The following RAB11FIP5 variants were observed in gnomAD, a reference collection of about 807,000 sequenced individuals.
RAB11FIP5 encodes the protein RAB11 family interacting protein 5, also known as rab11 family-interacting protein 5.
Under a neutral mutation model 85.1 loss-of-function variants are expected in RAB11FIP5, and 48 were observed. The observed-to-expected ratio is 0.56, with a 90% CI of 0.45 to 0.72. The LOEUF (loss-of-function observed/expected upper bound fraction) is 0.72. Ranked by LOEUF, RAB11FIP5 falls within the 30% of genes least tolerant of loss-of-function variation. RAB11FIP5 has a pLI of 0.00. For missense variants in RAB11FIP5, 1,491 were observed against 1,687.0 expected, an observed-to-expected ratio of 0.88 and a Z score of 2.04; for synonymous variants, 729 against 727.3, an observed-to-expected ratio of 1.00 and a Z score of -0.04.
At chr2:73,094,847 C>T (rs1054035418) in intron 1 of RAB11FIP5, among the ~76,000 whole-genome samples, 1 of 152,038 alleles carries the variant, frequency 6.6e-6, no homozygotes, top group Admixed American at 6.5e-5. Flanking sequence ...GGTAAGTTAC[C>T]AAAGGAACAC....
chr2:73,107,400 C>T (rs146618459), intron 1 of RAB11FIP5, among the ~76,000 whole-genome samples: 18 of 152,286 alleles, frequency 1.2e-4, no homozygotes, highest in Non-Finnish European at 1.8e-4. Context: ...GCGGGCAGCT[C>T]CCAGCAGAGA....
rs1683785029 is a variant in RAB11FIP5 at position 73,073,641 on chromosome 2, G to C, written c.*1880C>G. On this transcript the variant is annotated 3_prime_UTR_variant, in exon 6 of 6. Coordinates refer to ENST00000486777, the MANE Select transcript of RAB11FIP5 (RefSeq NM_001371272.1). Reference sequence around the variant, plus strand: ...CCACAAAGGTCAGGGCCAGGGCTGGGAGTGAATAAAGCCCAGAGGAATCCC... The same window carrying C: ...CCACAAAGGTCAGGGCCAGGGCTGGCAGTGAATAAAGCCCAGAGGAATCCC... 1 of 152,238 alleles carries C rather than the reference G, an allele frequency of 6.6e-6. No individual in the cohort carries two copies. Among genetic ancestry groups the C allele is most frequent in the Admixed American group, 6.5e-5 (1 of 15,286 alleles). The allele number at this position is 152,238 out of a possible 1,614,324, so 9.4% of individuals were successfully genotyped here. A position where few individuals can be genotyped will look rare whatever the true frequency, so the allele number is the denominator to read the frequency against.
chr2:73,108,915 A>G (rs567612633), intron 1 of RAB11FIP5, among the ~76,000 whole-genome samples: 1 of 152,256 alleles, frequency 6.6e-6, no homozygotes, highest in East Asian at 1.9e-4. Flanking sequence ...GTGGTGGCAC[A>G]TGCCTGTAAT....
At chr2:73,106,811 C>A (rs1684536846) in intron 1 of RAB11FIP5, among the ~76,000 whole-genome samples, 1 of 152,214 alleles carries the variant, frequency 6.6e-6, no homozygotes, top group Non-Finnish European at 1.5e-5. Flanking sequence ...GAGCTCTCTT[C>A]CAGCTCCCAT....
rs1187702313 is a variant in RAB11FIP5 at position 73,075,376 on chromosome 2, A to T, written c.*145T>A. 1.2e-6 allele frequency: 1 copy of T among 855,876 alleles called. No homozygotes were observed. Among genetic ancestry groups the T allele is most frequent in the Non-Finnish European group, 2.0e-6 (1 of 508,832 alleles). 53.0% of individuals were successfully genotyped at this position (855,876 alleles called of 1,614,324 possible). A position where few individuals can be genotyped will look rare whatever the true frequency, so the allele number is the denominator to read the frequency against. On this transcript the variant is annotated 3_prime_UTR_variant, in exon 6 of 6. Coordinates refer to ENST00000486777, the MANE Select transcript of RAB11FIP5 (RefSeq NM_001371272.1). This position sits in a 1 kb window ranked among gnomAD's most constrained non-coding sequence, Gnocchi z 4.6. ...GGAATCCAGAGGGCCCCCTTCCAGC[A>T]GCCCCAGTTGAGGCAGGAGGGAGAG...
intron 1 of RAB11FIP5, among the ~76,000 whole-genome samples, chr2:73,110,485 C>CA (rs375613614): frequency 2.0e-5 from 3 of 151,954 alleles, no homozygotes; most frequent in African/African-American, 7.3e-5. Flanking sequence ...CTGTTCCCCC[C>CA]CCGGTTCTAT....
rs1366328370 is a variant in RAB11FIP5, at chr2:73,082,857, T to C, written c.1569-1194A>G. Among the ~76,000 whole-genome samples the C allele has an allele frequency of 3.3e-5, 5 of 152,182 alleles. No individual in the cohort carries two copies. The South Asian group carries it at 1.0e-3, about 31-fold the overall frequency. On this transcript the variant is annotated intron_variant, in intron 3 of 5. Coordinates refer to ENST00000486777, the MANE Select transcript of RAB11FIP5 (RefSeq NM_001371272.1). ...GTGCTCTCAAACTAGAGCTTCTCAC[T>C]TCCCTAGGACCCAGACAGAAGGCCA... is the stretch of plus-strand genomic sequence containing the variant.
Position 73,080,150 on chromosome 2 carries a change from G to A in RAB11FIP5, c.3082C>T (p.Pro1028Ser). The change falls in exon 4 of 6, where the codon CCT becomes TCT. Residue 1028 changes from proline to serine, a missense_variant. Transcript: ENST00000486777. ...IWGTPEVGEGPEAPEAQGQDP... is the reference protein window; with the variant it reads ...IWGTPEVGEGSEAPEAQGQDP... The stretch of plus-strand genomic sequence containing the variant: ...TGGCCCTGGGCCTCAGGAGCCTCAG[G>A]GCCTTCTCCAACCTCTGGAGTCCCC... 3.2e-6 allele frequency: 4 copies of A among 1,232,122 alleles called. No individual in the cohort carries two copies. Among genetic ancestry groups the A allele is most frequent in the South Asian group, 8.2e-5 (2 of 24,314 alleles). 76.3% of individuals were successfully genotyped at this position (1,232,122 alleles called of 1,614,324 possible). A position where few individuals can be genotyped will look rare whatever the true frequency, so the allele number is the denominator to read the frequency against.
In RAB11FIP5 at chr2:73,112,597, C is replaced by A. The variant is rs1457728467; in HGVS notation, c.181G>T (p.Glu61Ter). 1.3e-6 allele frequency: 2 copies of A among 1,599,924 alleles called. No individual in the cohort carries two copies. Among genetic ancestry groups the A allele is most frequent in the Non-Finnish European group, 1.7e-6 (2 of 1,174,802 alleles). ...CACTCGGGGCAGCCGTGCGTCTTCT[C>A]CACCACCGACGTACTGTACTTCTCG... is the stretch of plus-strand genomic sequence containing the variant. ...GREKYSTSVV[E>*]KTHGCPEWRE... The change falls in exon 1 of 6, where the codon GAG (glutamate) becomes TAG (stop). Residue 61 changes from glutamate to a stop codon, truncating the protein, a stop_gained. Transcript: ENST00000486777. LOFTEE classifies it high-confidence loss of function.
chr2:73,087,114 G>A (rs1316932501), intron 3 of RAB11FIP5, among the ~76,000 whole-genome samples: 1 of 152,222 alleles, frequency 6.6e-6, no homozygotes, highest in Admixed American at 6.5e-5. Context: ...CATGGAGCGG[G>A]AAGGGCAGGC....
At position 73,089,198 on chromosome 2, in the gene RAB11FIP5, C is replaced by T. The variant is rs1345135278; in HGVS notation, c.549G>A (p.Lys183=). The T allele has an allele frequency of 1.9e-6, 3 of 1,614,210 alleles. No homozygotes were observed. The highest frequency in any genetic ancestry group is 2.5e-6 in the Non-Finnish European group (3 of 1,180,028). The change falls in exon 2 of 6, where the codon AAG becomes AAA. Residue 183 remains lysine (K), a synonymous_variant. Transcript: ENST00000486777. The surrounding 1 kb of genome is among the most constrained non-coding windows in gnomAD (Gnocchi z 4.6). ...LSASMFDLSM[K]DKPRSPFSKI... ...TGCTGAAGGGAGACCTTGGCTTGTC[C>T]TTCATGGACAGGTCAAACATACTGG...
In RAB11FIP5 at chr2:73,088,491, G is replaced by C; in HGVS notation, c.1127C>G (p.Ser376Cys). 1 of 1,614,036 alleles carries C rather than the reference G, an allele frequency of 6.2e-7. No homozygotes were observed. Among genetic ancestry groups the C allele is most frequent in the South Asian group, 1.1e-5 (1 of 91,086 alleles). The change falls in exon 3 of 6, where the codon TCC becomes TGC. Residue 376 changes from serine (S) to cysteine (C), a missense_variant. By Grantham distance (112) the Ser-to-Cys change is moderately radical. This residue lies in a region of RAB11FIP5 where 1,211 missense variants were observed against 1,338.0 expected (regional missense o/e 0.91). Coordinates refer to ENST00000486777, the MANE Select transcript of RAB11FIP5 (RefSeq NM_001371272.1). ...ATCTGTGGAACGAGGCCCCTCCTCG[G>C]AGAACCGGGAAGAGACAGCTTGCAA... Reference protein sequence around the residue: ...GSLQAVSSRFSEEGPRSTDDT... With the variant: ...GSLQAVSSRFCEEGPRSTDDT...
chr2:73,107,351 G>A lies in RAB11FIP5; in HGVS notation c.431+4996C>T, dbSNP rs770449774. Reference sequence around the variant, plus strand: ...AAGGCCAGGCCAGTGGTTTAGACAAGAGCGTCACAGCACTGAGGTGGCAGC... The same window carrying A: ...AAGGCCAGGCCAGTGGTTTAGACAAAAGCGTCACAGCACTGAGGTGGCAGC... On this transcript the variant is annotated intron_variant, in intron 1 of 5. Coordinates refer to ENST00000486777, the MANE Select transcript of RAB11FIP5 (RefSeq NM_001371272.1). 2.6e-4 allele frequency among the ~76,000 whole-genome samples: 40 copies of A among 152,238 alleles called. 1 individual carries two copies. Among genetic ancestry groups the A allele is most frequent in the Non-Finnish European group, 7.3e-5 (5 of 68,048 alleles).
intron 1 of RAB11FIP5, among the ~76,000 whole-genome samples, chr2:73,100,364 G>A (rs1684403630): frequency 6.6e-6 from 1 of 152,020 alleles, no homozygotes; most frequent in Non-Finnish European, 1.5e-5. Flanking sequence ...CCATGGGCAG[G>A]GCATATATTT....
At position 73,081,488 on chromosome 2, in the gene RAB11FIP5, T is replaced by C; in HGVS notation, c.1744A>G (p.Thr582Ala). Residue 582 changes from threonine to alanine, a missense_variant, in exon 4 of 6, where the codon ACC becomes GCC. Physicochemically the swap from Thr to Ala is moderately conservative, Grantham distance 58. Coordinates refer to ENST00000486777, the MANE Select transcript of RAB11FIP5 (RefSeq NM_001371272.1). The surrounding 1 kb of genome is among the most constrained non-coding windows in gnomAD (Gnocchi z 4.2). ...GGTGGGGTGGCTTCAGGGGCGGCGG[T>C]GGTGGCGGCAGCGGCAGCAGTGGCA... is the stretch of plus-strand genomic sequence containing the variant. ...AAATAAAAAT[T>A]AAPEATPPGL... 2 of 1,233,908 alleles carry C rather than the reference T, an allele frequency of 1.6e-6. No individual in the cohort carries two copies. Among genetic ancestry groups the C allele is most frequent in the Non-Finnish European group, 2.0e-6 (2 of 989,570 alleles). 76.4% of individuals were successfully genotyped at this position (1,233,908 alleles called of 1,614,324 possible).
intron 1 of RAB11FIP5, among the ~76,000 whole-genome samples, chr2:73,102,958 ATGGTGACACAGTTG>A (rs1228796116): frequency 1.3e-5 from 2 of 152,168 alleles, no homozygotes; most frequent in African/African-American, 4.8e-5. Flanking sequence ...TATTCAGAGT[ATGGTGACACAGTTG>A]GAAAACCCTT....
chr2:73,098,887 T>C (rs1684376131), intron 1 of RAB11FIP5, among the ~76,000 whole-genome samples: 2 of 152,186 alleles, frequency 1.3e-5, no homozygotes, highest in Admixed American at 1.3e-4. Flanking sequence ...AATCGGATTA[T>C]TTTCCTATCA....
At chr2:73,093,808 G>A (rs183056913) in intron 1 of RAB11FIP5, among the ~76,000 whole-genome samples, 30 of 152,330 alleles carry the variant, frequency 2.0e-4, no homozygotes, top group African/African-American at 6.3e-4. Context: ...TCAAGGGAAC[G>A]TGCCAGATCC....
At position 73,088,613 on chromosome 2, in the gene RAB11FIP5, C is replaced by T. The variant is rs1455520614; in HGVS notation, c.1005G>A (p.Ser335=). 8 of 1,613,328 alleles carry T rather than the reference C, an allele frequency of 5.0e-6. No individual in the cohort carries two copies. Among genetic ancestry groups the T allele is most frequent in the East Asian group, 2.2e-5 (1 of 44,894 alleles). ...QGHLDAASRS[S]LCVNGSHIYN... is the part of the protein sequence containing the mutation. ...AAATGTGGCTCCCATTGACACAGAG[C>T]GAAGAGCGGGAGGCAGCATCCAGGT... Residue 335 remains serine (S), a synonymous_variant, in exon 3 of 6, where the codon TCG becomes TCA. Transcript: ENST00000486777.
Sources: allele counts gnomAD v4.1 joint callset (sites outside exome capture counted in the v4.1 genomes callset), GRCh38; gene constraint gnomAD v4.1.1; regional missense constraint gnomAD v4.1.1; non-coding constraint Gnocchi (gnomAD v3.1); transcripts MANE v1.5; gene names NCBI Gene and HGNC (gene_info 2026-07-23, HGNC 2026-07-21).